GNG7: variants seen among roughly 807,000 people sequenced by gnomAD.
GNG7 encodes the protein G protein subunit gamma 7.
A neutral mutation model predicts 4.0 loss-of-function variants in GNG7; 1 was observed. That is an observed-to-expected ratio of 0.25 (90% CI 0.09 to 1.18). The LOEUF (loss-of-function observed/expected upper bound fraction) is 1.18. Ranked by LOEUF, GNG7 falls within the 50% of genes most tolerant of loss-of-function variation. The pLI is 0.50. For missense variants in GNG7, 86 were observed against 91.9 expected, an observed-to-expected ratio of 0.94 and a Z score of 0.26; for synonymous variants, 34 against 36.9, an observed-to-expected ratio of 0.92 and a Z score of 0.29.
intron 3 of GNG7, among the ~76,000 whole-genome samples, chr19:2,535,374 C>G (rs973953750): frequency 2.0e-5 from 3 of 151,590 alleles, no homozygotes; most frequent in African/African-American, 7.3e-5. Context: ...GTGGTGCACA[C>G]CTGTAGTCCC....
At chr19:2,573,758 G>A (rs535576817) in intron 2 of GNG7, among the ~76,000 whole-genome samples, 2 of 152,260 alleles carry the variant, frequency 1.3e-5, no homozygotes, top group East Asian at 3.9e-4. Flanking sequence ...CAGGAGAATC[G>A]CTTGAACCTG....
At chr19:2,605,507 C>CTTTT (rs10602276) in intron 2 of GNG7, among the ~76,000 whole-genome samples, 4 of 62,418 alleles carry the variant, frequency 6.4e-5, no homozygotes, top group Non-Finnish European at 8.8e-5. Flanking sequence ...CCAAATCTCA[C>CTTTT]TTTTTTTTTT....
chr19:2,599,157 C>T (rs1981124814), intron 2 of GNG7, among the ~76,000 whole-genome samples: 1 of 152,122 alleles, frequency 6.6e-6, no homozygotes, highest in South Asian at 2.1e-4. Flanking sequence ...CCGCCGCAGA[C>T]ACCACGTGGT....
chr19:2,519,507 A>T (rs1323546089), intron 4 of GNG7, among the ~76,000 whole-genome samples: 1 of 151,108 alleles, frequency 6.6e-6, no homozygotes, highest in Non-Finnish European at 1.5e-5. Context: ...CCCAGGCTGG[A>T]ATTGAACGCC....
intron 2 of GNG7, among the ~76,000 whole-genome samples, chr19:2,573,575 C>G (rs139595489): frequency 0.077 from 11,687 of 151,848 alleles, 748 homozygotes; most frequent in African/African-American, 0.17. Context: ...CCAGCAGTTT[C>G]GGAGGCCGAG....
rs1204315179 is a variant in GNG7, at chr19:2,683,056, C to A, written c.-135+19590G>T. On this transcript the variant is annotated intron_variant, in intron 1 of 4. Transcript: ENST00000382159. The stretch of plus-strand genomic sequence containing the variant: ...GACCAGCCTGGCCAACGTGGTGAAA[C>A]CCCATCTCTTTAAATTTTGTAAAAA... Among the ~76,000 whole-genome samples the A allele has an allele frequency of 3.3e-5, 5 of 151,968 alleles. No individual in the cohort carries two copies. The East Asian group carries it at 7.8e-4, about 24-fold the overall frequency.
intron 2 of GNG7, among the ~76,000 whole-genome samples, chr19:2,573,699 C>T (rs2144783454): frequency 6.6e-6 from 1 of 152,150 alleles, no homozygotes. Context: ...AAAAATTAGC[C>T]AGGCGTGGTC....
intron 2 of GNG7, among the ~76,000 whole-genome samples, chr19:2,602,922 T>TTTCTTTCTTTCTTTCTTTCTTTC (rs1491446709): frequency 1.9e-4 from 28 of 149,326 alleles, no homozygotes; most frequent in African/African-American, 6.8e-4. Context: ...TCTTTCTTTC[T>TTTCTTTCTTTCTTTCTTTCTTTC]TTTTGTTTCT....
rs542792062 is a variant in GNG7, at chr19:2,615,098, G to A, written c.-78+31126C>T. ...TGGGCAAGGTGTGTGGAATAGCCCCGCTTTCTAGGCCACTTTCGGGGTACT... is the reference window on the plus strand; with the variant it reads ...TGGGCAAGGTGTGTGGAATAGCCCCACTTTCTAGGCCACTTTCGGGGTACT... On this transcript the variant is annotated intron_variant, in intron 2 of 4. Transcript: ENST00000382159. Among the ~76,000 whole-genome samples, 591 of 152,142 alleles carry A rather than the reference G, an allele frequency of 3.9e-3. 5 individuals carry two copies. Among genetic ancestry groups the A allele is most frequent in the African/African-American group, 0.013 (545 of 41,500 alleles).
chr19:2,648,108 C>A (rs899402470), intron 1 of GNG7, among the ~76,000 whole-genome samples: 4 of 148,088 alleles, frequency 2.7e-5, no homozygotes, highest in East Asian at 3.9e-4. Context: ...AAGAAAAAAA[C>A]CGTGAAACTG....
At chr19:2,680,732 C>T (rs1045450354) in intron 1 of GNG7, among the ~76,000 whole-genome samples, 2 of 151,934 alleles carry the variant, frequency 1.3e-5, no homozygotes, top group Non-Finnish European at 2.9e-5. Flanking sequence ...TGCATCACCA[C>T]GCCTGGCTAA....
At chr19:2,670,508 G>A (rs940349223) in intron 1 of GNG7, among the ~76,000 whole-genome samples, 2 of 152,246 alleles carry the variant, frequency 1.3e-5, no homozygotes, top group Non-Finnish European at 2.9e-5. Flanking sequence ...GAGCTAGGAC[G>A]GCCACTGCGT....
rs1599381077 is a variant in GNG7, at chr19:2,541,691, G to A, written c.-38+13458C>T. On this transcript the variant is annotated intron_variant, in intron 3 of 4. Transcript: ENST00000382159. ...TGGGAGGCGGAGGTTGCAGTGAGCCGAGATCACGCCACTGCACTCTAGCCT... is the reference window on the plus strand; with the variant it reads ...TGGGAGGCGGAGGTTGCAGTGAGCCAAGATCACGCCACTGCACTCTAGCCT... Among the ~76,000 whole-genome samples the A allele has an allele frequency of 5.9e-5, 9 of 151,278 alleles. 2 individuals are homozygous for A. The highest frequency in any genetic ancestry group is 5.9e-4 in the Admixed American group (9 of 15,156).
chr19:2,676,058 G>A (rs1295642504), intron 1 of GNG7, among the ~76,000 whole-genome samples: 4 of 152,204 alleles, frequency 2.6e-5, no homozygotes, highest in Admixed American at 2.6e-4. Flanking sequence ...GAAGGGGGCC[G>A]TGTGAGGATG....
intron 1 of GNG7, among the ~76,000 whole-genome samples, chr19:2,665,086 T>G (rs976649907): frequency 1.5e-4 from 23 of 151,978 alleles, no homozygotes; most frequent in African/African-American, 5.6e-4. Flanking sequence ...AGGAGGTGAA[T>G]CCCACGAGCT....
In GNG7 at chr19:2,571,784, C is replaced by T. The variant is rs1377096145; in HGVS notation, c.-77-16596G>A. ...CTAATTTTTGTATTTTCAGTAGAGA[C>T]GGGGTTTCACCATGTTGGCCAGGCT... On this transcript the variant is annotated intron_variant, in intron 2 of 4. Transcript: ENST00000382159. 2.6e-5 allele frequency among the ~76,000 whole-genome samples: 4 copies of T among 151,548 alleles called. No individual in the cohort carries two copies. In the Middle Eastern group the frequency reaches 0.01, roughly 387 times the overall value.
At chr19:2,601,931 G>GGAGGGGAGGAGAGGA (rs916890385) in intron 2 of GNG7, among the ~76,000 whole-genome samples, 6 of 152,036 alleles carry the variant, frequency 3.9e-5, no homozygotes, top group Admixed American at 6.6e-5. Flanking sequence ...ACAGGGGAGG[G>GGAGGGGAGGAGAGGA]GAGGGGAGGA....
chr19:2,603,745 C>A (rs377176642), intron 2 of GNG7, among the ~76,000 whole-genome samples: 2 of 152,086 alleles, frequency 1.3e-5, no homozygotes, highest in East Asian at 1.9e-4. Flanking sequence ...TTTTTCCTAG[C>A]GTGTTCAAGC....
chr19:2,519,138 T>C (rs538322675), intron 4 of GNG7, among the ~76,000 whole-genome samples: 4 of 145,428 alleles, frequency 2.8e-5, no homozygotes, highest in Admixed American at 2.1e-4. Flanking sequence ...GTTGTTTTTT[T>C]CTTGTTTCTT....
Sources: allele counts gnomAD v4.1 joint callset (sites outside exome capture counted in the v4.1 genomes callset), GRCh38; gene constraint gnomAD v4.1.1; transcripts MANE v1.5; gene names NCBI Gene and HGNC (gene_info 2026-07-23, HGNC 2026-07-21).